The following PPFIA2 variants were observed in gnomAD, a reference collection of about 807,000 sequenced individuals.
The protein encoded by PPFIA2 is PPFI scaffold protein A2.
PPFIA2 carries 46 observed loss-of-function variants against 175.5 expected under a neutral mutation model. The ratio of observed to expected loss-of-function variants is 0.26; its 90% CI spans 0.21 to 0.34. The LOEUF (loss-of-function observed/expected upper bound fraction) is 0.34. Ranked by LOEUF, PPFIA2 falls within the 10% of genes least tolerant of loss-of-function variation. The pLI is 1.00. For missense variants in PPFIA2, 1,179 were observed against 1,506.1 expected (o/e 0.78, Z 3.60); for synonymous variants, 568 against 511.4 (o/e 1.11, Z -1.49).
chr12:81,313,094 T>C (rs979768525), intron 22 of PPFIA2, among the ~76,000 whole-genome samples: 17 of 152,164 alleles, frequency 1.1e-4, no homozygotes, highest in Non-Finnish European at 2.2e-4. Flanking sequence ...TAAAACGACA[T>C]TGATACACAT....
At chr12:81,537,162 A>C (rs1186933618) in intron 4 of PPFIA2, among the ~76,000 whole-genome samples, 2 of 151,712 alleles carry the variant, frequency 1.3e-5, no homozygotes, top group African/African-American at 4.8e-5. Flanking sequence ...TTTAATATGG[A>C]ACACTTGTAG....
intron 28 of PPFIA2, among the ~76,000 whole-genome samples, chr12:81,273,451 G>T (rs2039681231): frequency 6.6e-6 from 1 of 151,878 alleles, no homozygotes. Context: ...CCTCTTAATT[G>T]GTTTCTACTG....
intron 22 of PPFIA2, among the ~76,000 whole-genome samples, chr12:81,317,354 G>T (rs1278744067): frequency 6.6e-6 from 1 of 151,518 alleles, no homozygotes; most frequent in Non-Finnish European, 1.5e-5. Context: ...GTTAGGGAGT[G>T]ATTGAGGGGT....
intron 4 of PPFIA2, among the ~76,000 whole-genome samples, chr12:81,660,129 A>C (rs2068549074): frequency 1.3e-5 from 2 of 152,152 alleles, no homozygotes; most frequent in Non-Finnish European, 2.9e-5. Flanking sequence ...AAAATTCTAA[A>C]AATCAGAGCT....
chr12:81,275,552 ATAC>A (rs2136635607), intron 28 of PPFIA2, among the ~76,000 whole-genome samples: 1 of 152,320 alleles, frequency 6.6e-6, no homozygotes, highest in African/African-American at 2.4e-5. Context: ...AATGTAATAT[ATAC>A]TACTTTCTTA....
chr12:81,642,686 T>TTATATACATACATGTATATAA (rs1325012311), intron 4 of PPFIA2, among the ~76,000 whole-genome samples: 1 of 86,966 alleles, frequency 1.1e-5, no homozygotes, highest in Non-Finnish European at 2.5e-5. Flanking sequence ...TATGTATCTA[T>TTATATACATACATGTATATAA]TATATACATA....
intron 3 of PPFIA2, among the ~76,000 whole-genome samples, chr12:81,739,453 A>G (rs1361769321): frequency 6.6e-6 from 1 of 151,998 alleles, no homozygotes; most frequent in East Asian, 1.9e-4. Flanking sequence ...AAACTTTTCT[A>G]TATACAAAAT....
chr12:81,723,606 C>T (rs2079637648), intron 3 of PPFIA2, among the ~76,000 whole-genome samples: 1 of 151,044 alleles, frequency 6.6e-6, no homozygotes, highest in Non-Finnish European at 1.5e-5. Flanking sequence ...AAAAGAATTA[C>T]ACTTCTTTCA....
chr12:81,634,156 G>C (rs576896291), intron 4 of PPFIA2, among the ~76,000 whole-genome samples: 2 of 152,034 alleles, frequency 1.3e-5, no homozygotes, highest in Non-Finnish European at 2.9e-5. Flanking sequence ...GCAATAGCAG[G>C]TTTTGTTCTC....
intron 3 of PPFIA2, among the ~76,000 whole-genome samples, chr12:81,680,956 T>C (rs867135515): frequency 1.3e-5 from 2 of 152,024 alleles, no homozygotes. Context: ...TTAAATTTTG[T>C]GCCCTAAGCA....
chr12:81,589,775 A>G (rs2058462772), intron 4 of PPFIA2, among the ~76,000 whole-genome samples: 1 of 151,824 alleles, frequency 6.6e-6, no homozygotes, highest in Non-Finnish European at 1.5e-5. Context: ...TCATTTTTTC[A>G]TCTCTAAGTG....
chr12:81,495,355 A>C (rs1179396249), intron 4 of PPFIA2, among the ~76,000 whole-genome samples: 3 of 152,132 alleles, frequency 2.0e-5, no homozygotes, highest in African/African-American at 7.2e-5. Context: ...TAAAAAAAAC[A>C]TAAATTCTTC....
At chr12:81,289,093 A>G (rs995397848) in intron 24 of PPFIA2, among the ~76,000 whole-genome samples, 6 of 151,740 alleles carry the variant, frequency 4.0e-5, no homozygotes, top group African/African-American at 1.4e-4. Flanking sequence ...CATTTGTGAA[A>G]CAGCTATAAT....
At chr12:81,380,427 T>A (rs1018849772) in intron 9 of PPFIA2, among the ~76,000 whole-genome samples, 3 of 152,102 alleles carry the variant, frequency 2.0e-5, no homozygotes, top group South Asian at 4.1e-4. Context: ...TGCAATCCAG[T>A]TGACTCTATG....
At chr12:81,548,323 T>C (rs2067309451) in intron 4 of PPFIA2, among the ~76,000 whole-genome samples, 1 of 152,124 alleles carries the variant, frequency 6.6e-6, no homozygotes, top group African/African-American at 2.4e-5. Context: ...ATAATTTTTC[T>C]TTTTTCCAAA....
intron 24 of PPFIA2, chr12:81,292,647 A>G (rs909062814): frequency 1.3e-5 from 2 of 152,098 alleles, no homozygotes; most frequent in Non-Finnish European, 2.9e-5. Flanking sequence ...CTTATCAACT[A>G]TTTGTGTTAT....
chr12:81,419,218 T>G (rs1035591445), intron 7 of PPFIA2, among the ~76,000 whole-genome samples: 2 of 152,058 alleles, frequency 1.3e-5, no homozygotes, highest in Non-Finnish European at 2.9e-5. Context: ...GAATTCTGGT[T>G]CTACCACTTA....
Position 81,384,167 on chromosome 12 carries a change from T to A in PPFIA2, c.840A>T (p.Gln280His), listed in dbSNP as rs775054969. The change falls in exon 9 of 33, where the codon CAA (glutamine) becomes CAT (histidine). Residue 280 changes from glutamine to histidine, a missense_variant. By Grantham distance (24) the Gln-to-His change is conservative. This residue lies in a region of PPFIA2 where 226 missense variants were observed against 216.6 expected (regional missense o/e 1.04). Coordinates refer to ENST00000549396, the MANE Select transcript of PPFIA2 (RefSeq NM_003625.5). ...CTTTCATCTGGGCCATTTCATAGTTTTGCTTTTCAAGCAATTCTTGTAGTT... is the reference window on the plus strand; with the variant it reads ...CTTTCATCTGGGCCATTTCATAGTTATGCTTTTCAAGCAATTCTTGTAGTT... ...IVELQELLEK[Q>H]NYEMAQMKER... The A allele has an allele frequency of 1.2e-6, 2 of 1,611,810 alleles. No individual in the cohort carries two copies. The highest frequency in any genetic ancestry group is 1.7e-6 in the Non-Finnish European group (2 of 1,178,780).
intron 11 of PPFIA2, among the ~76,000 whole-genome samples, chr12:81,373,234 G>T (rs1403961266): frequency 6.6e-6 from 1 of 151,710 alleles, no homozygotes; most frequent in Non-Finnish European, 1.5e-5. Context: ...TTTTACAAAA[G>T]TTATTTTTCT....
Sources: gnomAD v4.1 joint callset for allele counts (sites outside exome capture counted in the v4.1 genomes callset) on GRCh38, gnomAD v4.1.1 for gene constraint, gnomAD v4.1.1 regional missense constraint, MANE v1.5 for transcripts, NCBI Gene and HGNC (gene_info 2026-07-23, HGNC 2026-07-21) for gene names.